ARID5B: variants seen among roughly 807,000 people sequenced by gnomAD.
The protein encoded by ARID5B is AT-rich interaction domain 5B.
A neutral mutation model predicts 97.2 loss-of-function variants in ARID5B; 13 were observed. That is an observed-to-expected ratio of 0.13 (90% CI 0.09 to 0.21). The LOEUF (loss-of-function observed/expected upper bound fraction) is 0.21, where lower values mean the gene tolerates loss of function less well. Ranked by LOEUF, ARID5B falls within the 10% of genes least tolerant of loss-of-function variation. The pLI is 1.00. For missense variants in ARID5B, 1,210 were observed against 1,465.3 expected, an observed-to-expected ratio of 0.83 and a Z score of 2.84; for synonymous variants, 556 against 570.3, an observed-to-expected ratio of 0.97 and a Z score of 0.36.
chr10:62,063,650 A>G (rs1466638963), intron 7 of ARID5B, among the ~76,000 whole-genome samples: 1 of 152,228 alleles, frequency 6.6e-6, no homozygotes, highest in Admixed American at 6.5e-5. Context: ...TTGAGAGAGC[A>G]TAAATATATT....
At chr10:61,941,393 A>C (rs1321882085) in intron 3 of ARID5B, among the ~76,000 whole-genome samples, 2 of 151,056 alleles carry the variant, frequency 1.3e-5, no homozygotes, top group Non-Finnish European at 2.9e-5. Context: ...GATTTAGACT[A>C]GTTATTTCCT....
At chr10:62,013,119 C>T (rs1839237893) in intron 4 of ARID5B, among the ~76,000 whole-genome samples, 1 of 152,104 alleles carries the variant, frequency 6.6e-6, no homozygotes, top group Admixed American at 6.5e-5. Context: ...GAATGAAGAT[C>T]CAGAGTTTCG....
At chr10:61,939,632 T>C (rs547281976) in intron 2 of ARID5B, among the ~76,000 whole-genome samples, 3 of 152,206 alleles carry the variant, frequency 2.0e-5, no homozygotes, top group African/African-American at 7.2e-5. Context: ...TTATGAAGTA[T>C]TTCTTTTGGG....
intron 3 of ARID5B, among the ~76,000 whole-genome samples, chr10:61,978,097 C>A (rs1447913591): frequency 6.6e-6 from 1 of 152,176 alleles, no homozygotes; most frequent in Non-Finnish European, 1.5e-5. Flanking sequence ...GTTTTCCCAG[C>A]ACCATTTATT....
chr10:61,988,723 CA>C (rs763947862), intron 3 of ARID5B, among the ~76,000 whole-genome samples: 1 of 152,090 alleles, frequency 6.6e-6, no homozygotes, highest in Non-Finnish European at 1.5e-5. Context: ...ACCCAGGACA[CA>C]ATGATTTTAA....
At chr10:61,999,997 C>A in intron 3 of ARID5B, 94 bp from the exon 4 acceptor site, 1 of 1,283,318 alleles carries the variant, frequency 7.8e-7, no homozygotes, top group Non-Finnish European at 1.1e-6. Context: ...CTTTTTAGTC[C>A]CAAACCAGAA....
intron 4 of ARID5B, among the ~76,000 whole-genome samples, chr10:62,049,822 TC>T (rs548821160): frequency 6.0e-4 from 91 of 152,304 alleles, no homozygotes; most frequent in African/African-American, 2.1e-3. Flanking sequence ...TTAACAACAA[TC>T]AAGAAGGTTC....
At chr10:61,958,786 T>A (rs1400553869) in intron 3 of ARID5B, among the ~76,000 whole-genome samples, 9 of 152,238 alleles carry the variant, frequency 5.9e-5, no homozygotes, top group Non-Finnish European at 1.5e-5. Flanking sequence ...CTCCGATAAG[T>A]GCATAGTGGT....
At chr10:62,005,825 G>A (rs905805307) in intron 4 of ARID5B, among the ~76,000 whole-genome samples, 1 of 152,180 alleles carries the variant, frequency 6.6e-6, no homozygotes, top group African/African-American at 2.4e-5. Context: ...CAGTTGTTTT[G>A]TTAAGGATCA....
rs912085387 is a variant in ARID5B at position 61,928,589 on chromosome 10, G to A, written c.277-11594G>A. 4.6e-5 allele frequency among the ~76,000 whole-genome samples: 7 copies of A among 152,190 alleles called. 1 individual carries two copies. The South Asian group carries it at 1.5e-3, about 32-fold the overall frequency. On this transcript the variant is annotated intron_variant, in intron 2 of 9. Transcript: ENST00000279873. ...ATTACAGGCATGAGCCACCGTACCT[G>A]CCCCCCAACTTGAATTATTATTACT... is the stretch of plus-strand genomic sequence containing the variant.
chr10:61,975,154 A>C (rs1414048018), intron 3 of ARID5B, among the ~76,000 whole-genome samples: 2 of 152,190 alleles, frequency 1.3e-5, no homozygotes, highest in Admixed American at 1.3e-4. Context: ...TGCAACCCAG[A>C]GCATAGTATA....
At chr10:61,954,766 G>A (rs939903675) in intron 3 of ARID5B, among the ~76,000 whole-genome samples, 1 of 152,142 alleles carries the variant, frequency 6.6e-6, no homozygotes, top group African/African-American at 2.4e-5. Flanking sequence ...TGTAATCCCA[G>A]CACTTCAAGG....
chr10:62,007,646 C>G (rs1313038929), intron 4 of ARID5B, among the ~76,000 whole-genome samples: 1 of 152,140 alleles, frequency 6.6e-6, no homozygotes, highest in Non-Finnish European at 1.5e-5. Flanking sequence ...CTTGCAGCAC[C>G]CAACACAACC....
Position 62,051,041 on chromosome 10 carries a change from T to G in ARID5B, c.846+41T>G, listed in dbSNP as rs754324583. ...CCACGGTATTCATTTCGTTGCATCT[T>G]TTTATTTTTGCTTTTTCTCTTTATC... On this transcript the variant is annotated intron_variant, in intron 5 of 9. Transcript: ENST00000279873. 6.5e-6 allele frequency: 10 copies of G among 1,549,612 alleles called. No homozygotes were observed. The Admixed American group carries it at 1.7e-4, about 26-fold the overall frequency.
chr10:62,092,559 T>C lies in ARID5B; in HGVS notation c.3096T>C (p.Ser1032=), dbSNP rs374741184. The C allele has an allele frequency of 6.2e-7, 1 of 1,613,972 alleles. No individual in the cohort carries two copies. Among genetic ancestry groups the C allele is most frequent in the Non-Finnish European group, 8.5e-7 (1 of 1,180,020 alleles). ...VIAGKKARAV[S]PLDPSKEVSG... is the part of the protein sequence containing the mutation. ...CAGGGAAAAAGGCCCGGGCAGTGTC[T>C]CCCTTAGACCCATCCAAGGAGGTCT... Residue 1032 remains serine (S), a synonymous_variant, in exon 10 of 10, where the codon TCT becomes TCC. Coordinates refer to ENST00000279873, the MANE Select transcript of ARID5B (RefSeq NM_032199.3).
At chr10:62,055,937 G>A (rs922879089) in intron 5 of ARID5B, among the ~76,000 whole-genome samples, 2 of 152,166 alleles carry the variant, frequency 1.3e-5, no homozygotes, top group Admixed American at 6.5e-5. Flanking sequence ...GAATATGTGG[G>A]ACATTTTTAT....
chr10:61,978,521 C>T (rs1486950557), intron 3 of ARID5B, among the ~76,000 whole-genome samples: 2 of 152,128 alleles, frequency 1.3e-5, no homozygotes, highest in Non-Finnish European at 2.9e-5. Flanking sequence ...TTGTTTGTGT[C>T]CTCTTTTATT....
At chr10:61,945,347 A>T (rs1199048997) in intron 3 of ARID5B, among the ~76,000 whole-genome samples, 1 of 152,216 alleles carries the variant, frequency 6.6e-6, no homozygotes, top group Admixed American at 6.5e-5. Flanking sequence ...CCACAAAAAA[A>T]GATAAAATAC....
intron 5 of ARID5B, 132 bp from the exon 6 acceptor site, chr10:62,056,985 A>T: frequency 1.2e-6 from 1 of 813,552 alleles, no homozygotes; most frequent in Non-Finnish European, 1.9e-6. Context: ...AAAAGCTATT[A>T]AAAGCAGGGA....
Sources: allele counts gnomAD v4.1 joint callset (sites outside exome capture counted in the v4.1 genomes callset), GRCh38; gene constraint gnomAD v4.1.1; transcripts MANE v1.5; gene names NCBI Gene and HGNC (gene_info 2026-07-23, HGNC 2026-07-21).